LRIG1: variants seen among roughly 807,000 people sequenced by gnomAD.
The protein encoded by LRIG1 is leucine-rich repeats and immunoglobulin-like domains protein 1.
LRIG1 carries 48 observed loss-of-function variants against 99.2 expected under a neutral mutation model. The observed-to-expected ratio is 0.48, with a 90% CI of 0.38 to 0.62. The LOEUF is 0.62. LRIG1 is among the 20% of genes least tolerant of loss of function. The pLI, the probability that LRIG1 is intolerant of heterozygous loss-of-function variation, is 0.00. For synonymous variants in LRIG1, 772 were observed against 596.1 expected (o/e 1.29, Z -4.30); for missense variants, 1,646 against 1,434.4 (o/e 1.15, Z -2.38).
At chr3:66,382,195 T>C in intron 16 of LRIG1, 78 bp downstream of exon 16, 1 of 1,570,556 alleles carries the variant, frequency 6.4e-7, no homozygotes, top group Non-Finnish European at 8.7e-7. Context: ...ACCTGCCCTG[T>C]AAAGACCTGG....
chr3:66,424,273 C>A (rs1022345895), intron 3 of LRIG1, among the ~76,000 whole-genome samples: 2 of 152,086 alleles, frequency 1.3e-5, no homozygotes, highest in Non-Finnish European at 2.9e-5. Context: ...GAGGCCACGT[C>A]CCTGACCCAA....
rs200831273 is a variant in LRIG1 at position 66,381,593 on chromosome 3, C to T, written c.2656G>A (p.Asp886Asn). Reference protein sequence around the residue: ...PRDASHFPEPDTHSVACRQPK... With the variant: ...PRDASHFPEPNTHSVACRQPK... ...TGCCTGCAGGCAACGCTGTGAGTGT[C>T]GGGCTCTGGAAAGTGGCTTGCATCT... The change falls in exon 17 of 19, where the codon GAC becomes AAC. Residue 886 changes from aspartate (D) to asparagine (N), a missense_variant. Asp to Asn is a conservative substitution (Grantham distance 23). Transcript: ENST00000273261. 32 of 1,614,064 alleles carry T rather than the reference C, an allele frequency of 2.0e-5. No individual in the cohort carries two copies. The highest frequency in any genetic ancestry group is 8.8e-5 in the South Asian group (8 of 91,068).
rs143202448 is a variant in LRIG1 at position 66,386,059 on chromosome 3, G to A, written c.1711C>T (p.His571Tyr). The change falls in exon 13 of 19, where the codon CAC becomes TAC. Residue 571 changes from histidine (H) to tyrosine (Y), a missense_variant. Physicochemically the swap from His to Tyr is moderately conservative, Grantham distance 83. Coordinates refer to ENST00000273261, the MANE Select transcript of LRIG1 (RefSeq NM_015541.3). ...ILHLRQVTFG[H>Y]EGRYQCVITN... ...ATGACACATTGGTAGCGGCCCTCGT[G>A]CCCGAAAGTGACCTGACGGAGGTGC... The A allele has an allele frequency of 8.1e-6, 13 of 1,614,094 alleles. No homozygotes were observed. The highest frequency in any genetic ancestry group is 1.3e-5 in the African/African-American group (1 of 74,930).
At chr3:66,490,911 C>T (rs913687603) in intron 1 of LRIG1, among the ~76,000 whole-genome samples, 5 of 152,158 alleles carry the variant, frequency 3.3e-5, no homozygotes, top group African/African-American at 1.2e-4. Context: ...ACTCAGATTC[C>T]TAAATGAAGC....
At position 66,416,721 on chromosome 3, in the gene LRIG1, C is replaced by T. The variant is rs190478258; in HGVS notation, c.503+408G>A. On this transcript the variant is annotated intron_variant, in intron 4 of 18. Transcript: ENST00000273261. ...AAGATAAGCACTGATAAGCTAAGCC[C>T]TGTTAGACAGGCTTCCAATGTGAAT... Among the ~76,000 whole-genome samples, 333 of 152,348 alleles carry T rather than the reference C, an allele frequency of 2.2e-3. 1 individual carries two copies. Among genetic ancestry groups the T allele is most frequent in the Non-Finnish European group, 4.3e-3 (292 of 68,044 alleles).
At chr3:66,381,133 G>A (rs1305721227) in intron 17 of LRIG1, among the ~76,000 whole-genome samples, 1 of 152,178 alleles carries the variant, frequency 6.6e-6, no homozygotes, top group Non-Finnish European at 1.5e-5. Flanking sequence ...TTAGCCTTAG[G>A]TACCATGCAG....
chr3:66,432,057 T>C (rs1437971947), intron 3 of LRIG1, among the ~76,000 whole-genome samples: 3 of 152,182 alleles, frequency 2.0e-5, no homozygotes. Flanking sequence ...ACGTAGACAA[T>C]GAACTTTGGG....
intron 1 of LRIG1, among the ~76,000 whole-genome samples, chr3:66,483,205 A>C (rs894093383): frequency 1.3e-5 from 2 of 152,192 alleles, no homozygotes; most frequent in African/African-American, 4.8e-5. Context: ...CAGGGAGAAC[A>C]CAGCTTCCCA....
intron 9 of LRIG1, chr3:66,404,348 G>A: frequency 7.8e-7 from 1 of 1,286,330 alleles, no homozygotes; most frequent in South Asian, 1.2e-5. Flanking sequence ...TCGAGCGGCA[G>A]CCGTCCTCTC....
intron 3 of LRIG1, among the ~76,000 whole-genome samples, chr3:66,431,426 G>A (rs187741627): frequency 4.2e-4 from 64 of 152,274 alleles, no homozygotes; most frequent in Admixed American, 1.1e-3. Context: ...AGAAGCGTCC[G>A]CACTACCCAC....
intron 3 of LRIG1, among the ~76,000 whole-genome samples, chr3:66,444,409 G>C (rs1281747830): frequency 6.6e-6 from 1 of 152,164 alleles, no homozygotes; most frequent in African/African-American, 2.4e-5. Flanking sequence ...CATTACCAGG[G>C]CCATAGAGCC....
chr3:66,466,794 G>A (rs1414631254), intron 1 of LRIG1, among the ~76,000 whole-genome samples: 9 of 152,204 alleles, frequency 5.9e-5, no homozygotes, highest in African/African-American at 2.2e-4. Context: ...AAATTCTCCT[G>A]TCAAAACAAT....
chr3:66,417,172 C>T lies in LRIG1; in HGVS notation c.460G>A (p.Val154Met). The T allele has an allele frequency of 6.2e-7, 1 of 1,614,184 alleles. No homozygotes were observed. The highest frequency in any genetic ancestry group is 1.3e-5 in the African/African-American group (1 of 75,048). Residue 154 changes from valine (V) to methionine (M), a missense_variant, in exon 4 of 19, where the codon GTG becomes ATG. Transcript: ENST00000273261. ...CCGTGTGGAAAGCAGGTGTTCCGCA[C>T]TTCCGTGATGTTGTTCAAACTCAGA... is the stretch of plus-strand genomic sequence containing the variant. ...LDLSLNNITE[V>M]RNTCFPHGPP...
chr3:66,382,493 G>GTGACGACCATC lies in LRIG1; in HGVS notation c.2492-106_2492-96dup. On this transcript the variant is annotated intron_variant, in intron 15 of 18. Coordinates refer to ENST00000273261, the MANE Select transcript of LRIG1 (RefSeq NM_015541.3). ...CAAGCTCAGAAAGGGGATCCTCCCA[G>GTGACGACCATC]TGACGACCATCAGCGCTGTGCAGAG... 2.8e-6 allele frequency: 4 copies of GTGACGACCATC among 1,422,756 alleles called. No homozygotes were observed. In the Admixed American group the frequency reaches 6.8e-5, roughly 24 times the overall value. 88.1% of individuals were successfully genotyped at this position (1,422,756 alleles called of 1,614,324 possible).
At chr3:66,480,108 T>A (rs1222853548) in intron 1 of LRIG1, among the ~76,000 whole-genome samples, 2 of 152,180 alleles carry the variant, frequency 1.3e-5, no homozygotes, top group Non-Finnish European at 2.9e-5. Flanking sequence ...TCTCTCCTCA[T>A]GATGGAAGCA....
chr3:66,489,533 G>A (rs974167699), intron 1 of LRIG1, among the ~76,000 whole-genome samples: 2 of 135,492 alleles, frequency 1.5e-5, no homozygotes, highest in Admixed American at 7.0e-5. Context: ...GTATGTGTGT[G>A]TGTGTGTGTG....
At chr3:66,424,641 G>A (rs1702921357) in intron 3 of LRIG1, among the ~76,000 whole-genome samples, 1 of 152,148 alleles carries the variant, frequency 6.6e-6, no homozygotes, top group Non-Finnish European at 1.5e-5. Context: ...TATATACACA[G>A]TAGATCCTGG....
At chr3:66,408,964 T>TGGG (rs1424793540) in intron 7 of LRIG1, among the ~76,000 whole-genome samples, 824 of 16,958 alleles carry the variant, frequency 0.049, no homozygotes, top group Non-Finnish European at 0.057. Flanking sequence ...GTGTGTGTGG[T>TGGG]GGGGGGAGGG....
intron 2 of LRIG1, among the ~76,000 whole-genome samples, chr3:66,456,635 A>C (rs1375154585): frequency 6.6e-6 from 1 of 151,380 alleles, no homozygotes. Flanking sequence ...CCAAAACGAC[A>C]ACCCTCATTA....
Sources: gnomAD v4.1 joint callset for allele counts (sites outside exome capture counted in the v4.1 genomes callset) on GRCh38, gnomAD v4.1.1 for gene constraint, MANE v1.5 for transcripts, NCBI Gene and HGNC (gene_info 2026-07-23, HGNC 2026-07-21) for gene names.